The following CMIP variants were observed in gnomAD, a reference collection of about 807,000 sequenced individuals.
CMIP encodes the protein c-Maf inducing protein.
CMIP carries 13 observed loss-of-function variants against 97.3 expected under a neutral mutation model. The observed-to-expected ratio is 0.13, with a 90% CI of 0.09 to 0.21. The LOEUF (loss-of-function observed/expected upper bound fraction) is 0.21. Among genes scored for constraint, CMIP ranks in the 10% least tolerant of loss-of-function variants. The probability of loss-of-function intolerance (pLI) is 1.00; values close to 1 mark genes in which losing one functional copy is unlikely to be tolerated. For missense variants in CMIP, 847 were observed against 1,024.9 expected, an observed-to-expected ratio of 0.83 and a Z score of 2.37; for synonymous variants, 538 against 436.3, an observed-to-expected ratio of 1.23 and a Z score of -2.91.
At chr16:81,618,228 A>G (rs953754181) in intron 2 of CMIP, among the ~76,000 whole-genome samples, 1 of 152,058 alleles carries the variant, frequency 6.6e-6, no homozygotes. Context: ...TGTCAGGACT[A>G]TGTTCCTTCT....
rs924134400 is a variant in CMIP, at chr16:81,600,367, G to A, written c.301-7200G>A. Among the ~76,000 whole-genome samples, 6 of 150,950 alleles carry A rather than the reference G, an allele frequency of 4.0e-5. No individual in the cohort carries two copies. The East Asian group carries it at 7.9e-4, about 20-fold the overall frequency. ...TCCATGTGTCCATCAGCAGATGAAT[G>A]TATAAACATGTGGCCTGCCCATACA... On this transcript the variant is annotated intron_variant, in intron 1 of 20. Coordinates refer to ENST00000537098, the MANE Select transcript of CMIP (RefSeq NM_198390.3).
At chr16:81,445,619 T>A in intron 1 of CMIP, 78 bp downstream of exon 1, 1 of 1,445,916 alleles carries the variant, frequency 6.9e-7, no homozygotes, top group South Asian at 1.3e-5. Context: ...CCCCTGGCGC[T>A]GCACCTGGAG....
chr16:81,592,368 C>T (rs1481409686), intron 1 of CMIP, among the ~76,000 whole-genome samples: 1 of 152,172 alleles, frequency 6.6e-6, no homozygotes, highest in African/African-American at 2.4e-5. Flanking sequence ...AACTCTGGCT[C>T]CTTGTGCTGT....
intron 9 of CMIP, among the ~76,000 whole-genome samples, chr16:81,677,199 G>A (rs1270893691): frequency 1.3e-5 from 2 of 152,124 alleles, no homozygotes; most frequent in African/African-American, 2.4e-5. Context: ...TCCTGGAGGA[G>A]GGGACCTGCA....
rs765531649 is a variant in CMIP, at chr16:81,695,126, C to T, written c.1531-1434C>T. Among the ~76,000 whole-genome samples, 6 of 152,188 alleles carry T rather than the reference C, an allele frequency of 3.9e-5. No individual in the cohort carries two copies. In the East Asian group the frequency reaches 5.8e-4, roughly 15 times the overall value. On this transcript the variant is annotated intron_variant, in intron 13 of 20. Transcript: ENST00000537098. ...AACCAGGGAAATGTGCATGAGGCCC[C>T]GAGTGACCTGCCGGTCTGGAAGGAG...
chr16:81,696,700 A>T, intron 14 of CMIP, 33 bp downstream of exon 14: 1 of 1,586,862 alleles, frequency 6.3e-7, no homozygotes, highest in Non-Finnish European at 8.6e-7. Context: ...GGTGACTTCC[A>T]GGGGTCCCTG....
intron 3 of CMIP, among the ~76,000 whole-genome samples, chr16:81,636,572 C>T (rs1450388058): frequency 8.3e-6 from 1 of 120,856 alleles, no homozygotes; most frequent in African/African-American, 3.1e-5. Flanking sequence ...CAGAGTGAAA[C>T]TTCGTCTCAA....
At chr16:81,507,514 G>T (rs966414497) in intron 1 of CMIP, among the ~76,000 whole-genome samples, 10 of 152,178 alleles carry the variant, frequency 6.6e-5, no homozygotes, top group African/African-American at 2.4e-4. Context: ...CATCTTCTTG[G>T]AATGAGCATT....
chr16:81,454,811 TG>T (rs1906446511), intron 1 of CMIP, among the ~76,000 whole-genome samples: 1 of 152,108 alleles, frequency 6.6e-6, no homozygotes, highest in South Asian at 2.1e-4. Context: ...GACGCCATCA[TG>T]GGGGTGGGGA....
chr16:81,545,508 G>A (rs1295575710), intron 1 of CMIP, among the ~76,000 whole-genome samples: 1 of 152,200 alleles, frequency 6.6e-6, no homozygotes, highest in Non-Finnish European at 1.5e-5. Flanking sequence ...CCTGTGCTCA[G>A]TGCTCTATGA....
At chr16:81,526,667 G>T (rs970423704) in intron 1 of CMIP, among the ~76,000 whole-genome samples, 33 of 152,188 alleles carry the variant, frequency 2.2e-4, no homozygotes, top group Non-Finnish European at 2.4e-4. Context: ...ACTCTAAGAA[G>T]GGGCCCAGAG....
Position 81,647,515 on chromosome 16 carries a change from G to A in CMIP, c.478-4688G>A, listed in dbSNP as rs117635198. On this transcript the variant is annotated intron_variant, in intron 3 of 20. Coordinates refer to ENST00000537098, the MANE Select transcript of CMIP (RefSeq NM_198390.3). ...ACACCAGGTCGTGTGCCCAGCCACA[G>A]AACAGTTCCAAGGCCCCTGTGTACT... Among the ~76,000 whole-genome samples the A allele has an allele frequency of 2.1e-3, 322 of 152,262 alleles. 7 individuals are homozygous for A. In the East Asian group the frequency reaches 0.055, roughly 26 times the overall value.
chr16:81,457,245 G>A (rs907941037), intron 1 of CMIP, among the ~76,000 whole-genome samples: 3 of 152,078 alleles, frequency 2.0e-5, no homozygotes, highest in South Asian at 2.1e-4. Flanking sequence ...CCCCTGTGGC[G>A]CGGCACCACC....
At chr16:81,686,264 A>G (rs992343779) in intron 10 of CMIP, among the ~76,000 whole-genome samples, 22 of 152,182 alleles carry the variant, frequency 1.4e-4, no homozygotes, top group Non-Finnish European at 1.5e-4. Flanking sequence ...AGGGAAGACA[A>G]GCTAGCTGCA....
At chr16:81,646,370 A>G (rs1470303350) in intron 3 of CMIP, among the ~76,000 whole-genome samples, 1 of 151,994 alleles carries the variant, frequency 6.6e-6, no homozygotes, top group Non-Finnish European at 1.5e-5. Flanking sequence ...TAGAGCTTAG[A>G]TTTGATCTGG....
intron 3 of CMIP, among the ~76,000 whole-genome samples, chr16:81,642,124 A>C (rs1445336422): frequency 6.6e-6 from 1 of 152,158 alleles, no homozygotes; most frequent in East Asian, 1.9e-4. Context: ...CTGTCTTGTC[A>C]CTCGTCATTC....
chr16:81,524,223 G>T (rs1040953704), intron 1 of CMIP, among the ~76,000 whole-genome samples: 2 of 152,196 alleles, frequency 1.3e-5, no homozygotes, highest in African/African-American at 4.8e-5. Context: ...GACAGAGCTG[G>T]ATTCTCTCAA....
chr16:81,485,436 C>A (rs931158893), intron 1 of CMIP, among the ~76,000 whole-genome samples: 3 of 152,224 alleles, frequency 2.0e-5, no homozygotes, highest in Non-Finnish European at 4.4e-5. Context: ...GGTTCTGGTT[C>A]ATGAAAATGC....
chr16:81,554,933 G>A (rs928067069), intron 1 of CMIP, among the ~76,000 whole-genome samples: 6 of 152,112 alleles, frequency 3.9e-5, no homozygotes, highest in Non-Finnish European at 5.9e-5. Context: ...AGGTGTCATT[G>A]GGCTGGAAGC....
Sources: allele counts gnomAD v4.1 joint callset (sites outside exome capture counted in the v4.1 genomes callset), GRCh38; gene constraint gnomAD v4.1.1; transcripts MANE v1.5; gene names NCBI Gene and HGNC (gene_info 2026-07-23, HGNC 2026-07-21).